Variants in MAF observed in about 807,000 individuals in gnomAD.
MAF encodes MAF bZIP transcription factor.
MAF carries 10 observed loss-of-function variants against 22.0 expected under a neutral mutation model. The ratio of observed to expected loss-of-function variants is 0.45; its 90% CI spans 0.28 to 0.77. The LOEUF (loss-of-function observed/expected upper bound fraction) is 0.77. MAF is among the 30% of genes least tolerant of loss of function. MAF has a pLI of 0.12. For missense variants in MAF, 544 were observed against 548.4 expected (o/e 0.99, Z 0.08); for synonymous variants, 337 against 255.8 (o/e 1.32, Z -3.03).
the MAF span, among the ~76,000 whole-genome samples, chr16:79,274,444 G>A: frequency 2.6e-5 from 4 of 152,110 alleles, no homozygotes; most frequent in African/African-American, 9.7e-5. Flanking sequence ...AGCTCCCCAA[G>A]GGGACCCCAA....
chr16:79,512,989 C>G, the MAF span, among the ~76,000 whole-genome samples: 1 of 152,244 alleles, frequency 6.6e-6, no homozygotes, highest in African/African-American at 2.4e-5. Context: ...CTGCTCAACT[C>G]ATGTGACCAC....
the MAF span, among the ~76,000 whole-genome samples, chr16:79,538,791 G>C: frequency 6.7e-6 from 1 of 150,078 alleles, no homozygotes; most frequent in Admixed American, 6.7e-5. Context: ...ACACCACTAC[G>C]CTACAGCCTG....
At chr16:79,318,978 C>T in the MAF span, among the ~76,000 whole-genome samples, 1 of 152,076 alleles carries the variant, frequency 6.6e-6, no homozygotes, top group African/African-American at 2.4e-5. Flanking sequence ...AATTGAGAGG[C>T]AAAAATAAAA....
the MAF span, among the ~76,000 whole-genome samples, chr16:79,448,155 A>T: frequency 2.6e-5 from 4 of 152,280 alleles, no homozygotes; most frequent in Non-Finnish European, 5.9e-5. Context: ...GCTGTGGGTA[A>T]AATGCTATCA....
the MAF span, among the ~76,000 whole-genome samples, chr16:79,477,017 C>A: frequency 6.6e-6 from 1 of 152,086 alleles, no homozygotes; most frequent in Non-Finnish European, 1.5e-5. Context: ...GGTGATGAGT[C>A]CCACCTCAGG....
the MAF span, among the ~76,000 whole-genome samples, chr16:79,517,833 C>T: frequency 6.6e-6 from 1 of 152,124 alleles, no homozygotes; most frequent in South Asian, 2.1e-4. Flanking sequence ...CCTCGGCCTC[C>T]CAAAGTGCTG....
chr16:79,203,571 A>G, the MAF span: 1 of 151,604 alleles, frequency 6.6e-6, no homozygotes, highest in Non-Finnish European at 1.5e-5. Context: ...GTGTAAATGA[A>G]CTGTCAACCT....
the MAF span, among the ~76,000 whole-genome samples, chr16:79,391,539 C>T: frequency 6.6e-6 from 1 of 152,082 alleles, no homozygotes; most frequent in African/African-American, 2.4e-5. Context: ...GGGCAGACTT[C>T]TCAAATAGGA....
At chr16:79,284,912 C>G in the MAF span, among the ~76,000 whole-genome samples, 1 of 152,190 alleles carries the variant, frequency 6.6e-6, no homozygotes, top group Non-Finnish European at 1.5e-5. Flanking sequence ...CCCCAGCCAA[C>G]AGTCCAAGCC....
chr16:79,478,696 T>C, the MAF span, among the ~76,000 whole-genome samples: 1 of 152,118 alleles, frequency 6.6e-6, no homozygotes, highest in African/African-American at 2.4e-5. Context: ...TTGTGTAGCA[T>C]CCCAGGGTTC....
intron 1 of MAF, chr16:79,598,470 A>AAT: frequency 7.7e-7 from 1 of 1,303,790 alleles, no homozygotes; most frequent in Non-Finnish European, 9.8e-7. Flanking sequence ...AAAAAAAAAA[A>AAT]ACAAGCTAGC....
chr16:79,213,136 C>A, the MAF span, among the ~76,000 whole-genome samples: 17 of 152,176 alleles, frequency 1.1e-4, no homozygotes, highest in Non-Finnish European at 8.8e-5. Context: ...CCAGCAAGCA[C>A]ATGAGAAAGT....
At chr16:79,554,245 G>C in the MAF span, among the ~76,000 whole-genome samples, 1 of 152,162 alleles carries the variant, frequency 6.6e-6, no homozygotes, top group Non-Finnish European at 1.5e-5. Context: ...AACAGCCCAA[G>C]AGGTAGGAAG....
chr16:79,595,785 G>C, intron 1 of MAF: 12 of 1,057,044 alleles, frequency 1.1e-5, no homozygotes, highest in Non-Finnish European at 1.0e-5. Flanking sequence ...GCTCATCCAG[G>C]TAGAGAAGTT....
At chr16:79,374,159 G>A in the MAF span, among the ~76,000 whole-genome samples, 2 of 152,276 alleles carry the variant, frequency 1.3e-5, no homozygotes, top group South Asian at 2.1e-4. Context: ...AGGCAATCCC[G>A]GTTGGTGCTT....
downstream of MAF, among the ~76,000 whole-genome samples, chr16:79,583,459 G>A (rs1274973070): frequency 2.0e-5 from 3 of 152,094 alleles, no homozygotes; most frequent in East Asian, 5.8e-4. Context: ...GCTACAAATG[G>A]GCCTCTCCCC....
At chr16:79,442,148 C>A in the MAF span, among the ~76,000 whole-genome samples, 1 of 152,308 alleles carries the variant, frequency 6.6e-6, no homozygotes, top group East Asian at 1.9e-4. Flanking sequence ...GAATCAATTT[C>A]TGTTGCTTTA....
the MAF span, among the ~76,000 whole-genome samples, chr16:79,365,271 G>A: frequency 3.3e-5 from 5 of 152,118 alleles, no homozygotes; most frequent in African/African-American, 9.7e-5. Flanking sequence ...CCCTGCTATC[G>A]TGCACTCTCA....
chr16:79,482,344 G>C, the MAF span, among the ~76,000 whole-genome samples: 1 of 152,136 alleles, frequency 6.6e-6, no homozygotes, highest in Non-Finnish European at 1.5e-5. Context: ...CACCTCTCCA[G>C]TGTTCCAGGA....
Sources: allele counts gnomAD v4.1 joint callset (sites outside exome capture counted in the v4.1 genomes callset), GRCh38; gene constraint gnomAD v4.1.1; transcripts MANE v1.5; gene names NCBI Gene and HGNC (gene_info 2026-07-23, HGNC 2026-07-21).